The following POLR3G variants were observed in gnomAD, a reference collection of about 807,000 sequenced individuals.
POLR3G encodes the protein DNA-directed RNA polymerase III subunit RPC7.
A neutral mutation model predicts 30.1 loss-of-function variants in POLR3G; 28 were observed. The ratio of observed to expected loss-of-function variants is 0.93; its 90% CI spans 0.69 to 1.27. POLR3G has a LOEUF of 1.27. POLR3G is among the 50% of genes most tolerant of loss of function. The pLI, the probability that POLR3G is intolerant of heterozygous loss-of-function variation, is 0.00. For missense variants in POLR3G, 254 were observed against 264.6 expected (o/e 0.96, Z 0.28); for synonymous variants, 79 against 82.5 (o/e 0.96, Z 0.23).
intron 3 of POLR3G, among the ~76,000 whole-genome samples, chr5:90,488,529 G>A (rs1295434820): frequency 6.6e-6 from 1 of 151,854 alleles, no homozygotes; most frequent in African/African-American, 2.4e-5. Flanking sequence ...TAGCATATTA[G>A]CATTTTCACA....
intron 1 of POLR3G, among the ~76,000 whole-genome samples, chr5:90,484,371 G>A (rs1398240810): frequency 7.1e-6 from 1 of 140,526 alleles, no homozygotes; most frequent in Non-Finnish European, 1.5e-5. Flanking sequence ...TGAGAACTGA[G>A]AGCCGCTTGC....
chr5:90,510,032 G>A (rs1453762927), intron 7 of POLR3G, among the ~76,000 whole-genome samples: 2 of 152,178 alleles, frequency 1.3e-5, no homozygotes, highest in Non-Finnish European at 2.9e-5. Context: ...GGTAGTGTCT[G>A]GAGATATATT....
Position 90,495,648 on chromosome 5 carries a change from A to G in POLR3G, c.248-29A>G, listed in dbSNP as rs148005600. On this transcript the variant is annotated intron_variant, in intron 3 of 7. Transcript: ENST00000651687. ...GTTCAGGGTTACTGTTGATTTTCCT[A>G]ATGAGTTCTTTATTCTTTTTTCCCC... is the stretch of plus-strand genomic sequence containing the variant. 7 of 1,597,590 alleles carry G rather than the reference A, an allele frequency of 4.4e-6. No homozygotes were observed. The East Asian group carries it at 6.8e-5, about 15-fold the overall frequency.
At position 90,514,117 on chromosome 5, in the gene POLR3G, TC is replaced by T. The variant is rs1215159571; in HGVS notation, c.*1983del. ...GGGAGGTACCGTTAAGAGCCTTCTT[TC>T]CCCCTTTGAAAGATCCTTTTACAAT... On this transcript the variant is annotated 3_prime_UTR_variant, in exon 8 of 8. Transcript: ENST00000651687. 6.6e-6 allele frequency: 1 copy of T among 152,192 alleles called. No homozygotes were observed. Among genetic ancestry groups the T allele is most frequent in the African/African-American group, 2.4e-5 (1 of 41,440 alleles). 9.4% of individuals were successfully genotyped at this position (152,192 alleles called of 1,614,324 possible). A position where few individuals can be genotyped will look rare whatever the true frequency, so the allele number is the denominator to read the frequency against.
chr5:90,511,040 G>A (rs1436252216), intron 7 of POLR3G, among the ~76,000 whole-genome samples: 1 of 152,018 alleles, frequency 6.6e-6, no homozygotes, highest in Non-Finnish European at 1.5e-5. Context: ...AACACCCATG[G>A]TCTTATCACT....
chr5:90,505,627 G>C (rs919910592), intron 6 of POLR3G, among the ~76,000 whole-genome samples: 1 of 152,136 alleles, frequency 6.6e-6, no homozygotes, highest in Non-Finnish European at 1.5e-5. Context: ...AGTATTGACT[G>C]TGATTTGAGT....
intron 7 of POLR3G, among the ~76,000 whole-genome samples, chr5:90,511,276 TAATTCCTTA>T (rs1215980059): frequency 3.9e-5 from 6 of 152,206 alleles, no homozygotes; most frequent in Admixed American, 2.6e-4. Context: ...CAATGAAATA[TAATTCCTTA>T]ATTTCATCAA....
intron 5 of POLR3G, among the ~76,000 whole-genome samples, chr5:90,500,902 A>G (rs1561256012): frequency 6.6e-6 from 1 of 152,212 alleles, no homozygotes; most frequent in African/African-American, 2.4e-5. Flanking sequence ...CTCTTTGACC[A>G]CAATGGGACA....
At chr5:90,487,639 C>T (rs551238049) in intron 2 of POLR3G, among the ~76,000 whole-genome samples, 2 of 152,096 alleles carry the variant, frequency 1.3e-5, no homozygotes, top group East Asian at 3.9e-4. Context: ...GATCCACCTG[C>T]CTCGGCCTTC....
intron 1 of POLR3G, 83 bp from the exon 2 acceptor site, chr5:90,485,442 C>T: frequency 1.5e-6 from 1 of 688,566 alleles, no homozygotes; most frequent in Non-Finnish European, 2.5e-6. Flanking sequence ...AACTGTGCTA[C>T]TTAAGGGGTG....
intron 3 of POLR3G, among the ~76,000 whole-genome samples, chr5:90,488,467 C>T (rs1004897698): frequency 6.6e-6 from 1 of 151,950 alleles, no homozygotes; most frequent in Non-Finnish European, 1.5e-5. Flanking sequence ...CATGTATATT[C>T]TCTTTACAAA....
intron 7 of POLR3G, among the ~76,000 whole-genome samples, chr5:90,509,268 T>C (rs1199828421): frequency 6.6e-6 from 1 of 152,174 alleles, no homozygotes; most frequent in Non-Finnish European, 1.5e-5. Context: ...TCAGGGCTCT[T>C]CCCTCGGGCT....
chr5:90,504,766 A>T (rs530464591), intron 6 of POLR3G, among the ~76,000 whole-genome samples: 2 of 152,298 alleles, frequency 1.3e-5, no homozygotes, highest in African/African-American at 4.8e-5. Flanking sequence ...AAAAAAATAT[A>T]ATATTAACAT....
chr5:90,495,290 G>T (rs141830008), intron 3 of POLR3G, among the ~76,000 whole-genome samples: 6 of 152,122 alleles, frequency 3.9e-5, no homozygotes, highest in African/African-American at 1.4e-4. Flanking sequence ...TTGTGTGATA[G>T]TGTTGCTTTC....
intron 2 of POLR3G, 40 bp from the exon 3 acceptor site, chr5:90,487,959 TA>T: frequency 6.8e-7 from 1 of 1,477,338 alleles, no homozygotes; most frequent in Non-Finnish European, 9.0e-7. Context: ...TTAAAATACA[TA>T]ATTGATTTGA....
At position 90,497,699 on chromosome 5, in the gene POLR3G, T is replaced by C; in HGVS notation, c.348T>C (p.Cys116=). ...GAGAGATGATGCCAAGAAATAAATG[T>C]AAAAAAGGTACATTGACTAATATAA... ...LPREMMPRNK[C]KKAGPKPKKA... is the part of the protein sequence containing the mutation. The change falls in exon 5 of 8, where the codon TGT becomes TGC. Residue 116 remains cysteine, a synonymous_variant. Transcript: ENST00000651687. 6.2e-7 allele frequency: 1 copy of C among 1,603,850 alleles called. No homozygotes were observed. The highest frequency in any genetic ancestry group is 8.5e-7 in the Non-Finnish European group (1 of 1,175,498).
At chr5:90,486,528 C>A (rs1025081545) in intron 2 of POLR3G, among the ~76,000 whole-genome samples, 15 of 152,198 alleles carry the variant, frequency 9.9e-5, no homozygotes, top group South Asian at 2.1e-4. Flanking sequence ...CTACCACTGT[C>A]CTCATTCCCC....
intron 1 of POLR3G, among the ~76,000 whole-genome samples, chr5:90,482,094 G>C (rs1333025211): frequency 6.6e-6 from 1 of 152,108 alleles, no homozygotes; most frequent in East Asian, 1.9e-4. Flanking sequence ...CATTAAAGAT[G>C]ACAAATCAAC....
At position 90,487,985 on chromosome 5, in the gene POLR3G, T is replaced by C; in HGVS notation, c.118-15T>C. ...AATTGATTTGAAAAAAATCTTTGTC[T>C]CTTAATTTAAACAGGATACAGATTA... On this transcript the variant is annotated splice_polypyrimidine_tract_variant and intron_variant, in intron 2 of 7. Transcript: ENST00000651687. The C allele has an allele frequency of 6.6e-7, 1 of 1,521,610 alleles. No individual in the cohort carries two copies. Among genetic ancestry groups the C allele is most frequent in the East Asian group, 2.4e-5 (1 of 41,960 alleles). The allele number at this position is 1,521,610 out of a possible 1,614,324, so 94.3% of individuals were successfully genotyped here.
Sources: gnomAD v4.1 joint callset for allele counts (sites outside exome capture counted in the v4.1 genomes callset) on GRCh38, gnomAD v4.1.1 for gene constraint, MANE v1.5 for transcripts, NCBI Gene and HGNC (gene_info 2026-07-23, HGNC 2026-07-21) for gene names.